The following FARP1 variants were observed in gnomAD, a reference collection of about 807,000 sequenced individuals.
The protein encoded by FARP1 is FERM, ARHGEF and pleckstrin domain-containing protein 1.
A neutral mutation model predicts 128.8 loss-of-function variants in FARP1; 52 were observed. The observed-to-expected ratio is 0.40, with a 90% CI of 0.32 to 0.51. FARP1 has a LOEUF of 0.51. Among genes scored for constraint, FARP1 ranks in the 20% least tolerant of loss-of-function variants. FARP1 has a pLI of 0.45. For missense variants in FARP1, 1,333 were observed against 1,367.9 expected, an observed-to-expected ratio of 0.97 and a Z score of 0.40; for synonymous variants, 580 against 551.8, an observed-to-expected ratio of 1.05 and a Z score of -0.72.
chr13:98,340,226 A>G (rs1887909248), intron 2 of FARP1, among the ~76,000 whole-genome samples: 1 of 152,106 alleles, frequency 6.6e-6, no homozygotes, highest in Non-Finnish European at 1.5e-5. Flanking sequence ...TGGTCAGATA[A>G]TTGGTGGTTT....
intron 5 of FARP1, among the ~76,000 whole-genome samples, chr13:98,372,149 C>A (rs990571049): frequency 4.2e-5 from 6 of 143,340 alleles, no homozygotes; most frequent in Admixed American, 7.4e-5. Flanking sequence ...TGCAATGGCA[C>A]GATCTTGGCT....
At chr13:98,165,842 A>C (rs931199724) in intron 1 of FARP1, among the ~76,000 whole-genome samples, 20 of 147,928 alleles carry the variant, frequency 1.4e-4, no homozygotes, top group Middle Eastern at 7.1e-3. Flanking sequence ...CTCAGCCTCC[A>C]GAGTAGCTGA....
chr13:98,351,849 G>A (rs1040106418), intron 3 of FARP1, among the ~76,000 whole-genome samples: 1 of 151,986 alleles, frequency 6.6e-6, no homozygotes, highest in African/African-American at 2.4e-5. Flanking sequence ...AGGAGCTGGT[G>A]CCAAACCACT....
intron 2 of FARP1, among the ~76,000 whole-genome samples, chr13:98,235,418 G>A (rs9556916): frequency 0.11 from 17,237 of 152,090 alleles, 2,376 homozygotes; most frequent in East Asian, 0.5. Flanking sequence ...ATTCCATTAT[G>A]CCTGATGTTT....
At chr13:98,278,069 G>GTCAAAATCTGGTGATCTGTTATTTAACA (rs1277742853) in intron 2 of FARP1, among the ~76,000 whole-genome samples, 49 of 151,562 alleles carry the variant, frequency 3.2e-4, no homozygotes, top group South Asian at 6.2e-4. Context: ...GTTTTAAATG[G>GTCAAAATCTGGTGATCTGTTATTTAACA]AGCTTAAGGG....
intron 5 of FARP1, among the ~76,000 whole-genome samples, chr13:98,376,330 T>C (rs1237896772): frequency 2.0e-5 from 3 of 152,194 alleles, no homozygotes; most frequent in African/African-American, 7.2e-5. Flanking sequence ...ATGAGTTCAA[T>C]TGTTTTAATT....
chr13:98,311,852 G>GT (rs11385182), intron 2 of FARP1, among the ~76,000 whole-genome samples: 84,154 of 148,332 alleles, frequency 0.57, 25,767 homozygotes, highest in East Asian at 0.71. Flanking sequence ...GTTGTTTTTT[G>GT]TTTTTTTTTG....
chr13:98,224,487 A>G (rs1881620160), intron 2 of FARP1, among the ~76,000 whole-genome samples: 1 of 143,202 alleles, frequency 7.0e-6, no homozygotes, highest in Non-Finnish European at 1.5e-5. Flanking sequence ...AGATCGTGCC[A>G]CTGCACTCCA....
At chr13:98,262,139 C>G (rs1342462468) in intron 2 of FARP1, among the ~76,000 whole-genome samples, 1 of 151,836 alleles carries the variant, frequency 6.6e-6, no homozygotes, top group Non-Finnish European at 1.5e-5. Flanking sequence ...CTTCAACCTC[C>G]CAAGTAGCTG....
At chr13:98,265,368 G>A (rs1246010324) in intron 2 of FARP1, among the ~76,000 whole-genome samples, 4 of 137,484 alleles carry the variant, frequency 2.9e-5, no homozygotes, top group African/African-American at 1.1e-4. Flanking sequence ...CGCCCAGGCT[G>A]GAGTGCAGTG....
At chr13:98,270,056 G>T (rs1369632591) in intron 2 of FARP1, among the ~76,000 whole-genome samples, 1 of 152,202 alleles carries the variant, frequency 6.6e-6, no homozygotes, top group East Asian at 1.9e-4. Flanking sequence ...AGTGAGCTGA[G>T]ATCACTGAAT....
intron 2 of FARP1, among the ~76,000 whole-genome samples, chr13:98,218,993 A>G (rs1299055554): frequency 6.6e-6 from 1 of 152,206 alleles, no homozygotes; most frequent in Non-Finnish European, 1.5e-5. Flanking sequence ...AGTGTTACAA[A>G]TTCAGTCCCA....
At chr13:98,311,163 G>A (rs1886442525) in intron 2 of FARP1, among the ~76,000 whole-genome samples, 1 of 152,186 alleles carries the variant, frequency 6.6e-6, no homozygotes, top group African/African-American at 2.4e-5. Context: ...TGGCCCTGGT[G>A]GCCTAATGTA....
intron 2 of FARP1, among the ~76,000 whole-genome samples, chr13:98,232,969 C>T (rs978179209): frequency 1.3e-5 from 2 of 152,170 alleles, no homozygotes; most frequent in African/African-American, 4.8e-5. Flanking sequence ...GTTCAAGGGC[C>T]TTTGTCTGCA....
chr13:98,410,340 C>T (rs2140116297), intron 14 of FARP1, among the ~76,000 whole-genome samples: 1 of 152,332 alleles, frequency 6.6e-6, no homozygotes, highest in South Asian at 2.1e-4. Context: ...ATGTAACTTC[C>T]ATGTCATGAA....
At chr13:98,244,401 G>T (rs756697979) in intron 2 of FARP1, 6 of 1,176,080 alleles carry the variant, frequency 5.1e-6, no homozygotes, top group East Asian at 2.6e-5. Flanking sequence ...CCAAAACTTT[G>T]CTGTGTCTCT....
At chr13:98,293,802 A>G (rs749398528) in intron 2 of FARP1, among the ~76,000 whole-genome samples, 3 of 152,176 alleles carry the variant, frequency 2.0e-5, no homozygotes, top group Non-Finnish European at 4.4e-5. Flanking sequence ...CCTCCTGCCC[A>G]CTGGGAAGAA....
chr13:98,184,278 C>T (rs1420584351), intron 1 of FARP1, among the ~76,000 whole-genome samples: 4 of 151,970 alleles, frequency 2.6e-5, no homozygotes, highest in Non-Finnish European at 5.9e-5. Context: ...CCACCCCACC[C>T]GGCTAATTTT....
At chr13:98,368,854 T>G (rs1260330797) in intron 5 of FARP1, among the ~76,000 whole-genome samples, 1 of 152,044 alleles carries the variant, frequency 6.6e-6, no homozygotes, top group Non-Finnish European at 1.5e-5. Context: ...ACTGTTTTCA[T>G]TGTCGTCACC....
Sources: allele counts gnomAD v4.1 joint callset (sites outside exome capture counted in the v4.1 genomes callset), GRCh38; gene constraint gnomAD v4.1.1; transcripts MANE v1.5; gene names NCBI Gene and HGNC (gene_info 2026-07-23, HGNC 2026-07-21).